Variants in DOCK7 observed in about 807,000 individuals in gnomAD.
DOCK7 encodes the protein dedicator of cytokinesis 7.
In DOCK7, 138 loss-of-function variants were observed where a neutral mutation model predicts 271.0. The ratio of observed to expected loss-of-function variants is 0.51; its 90% CI spans 0.44 to 0.59. The LOEUF (loss-of-function observed/expected upper bound fraction) is 0.59. Ranked by LOEUF, DOCK7 falls within the 20% of genes least tolerant of loss-of-function variation. The pLI is 0.00. For missense variants in DOCK7, 2,066 were observed against 2,592.4 expected, an observed-to-expected ratio of 0.80 and a Z score of 4.41; for synonymous variants, 823 against 876.1, an observed-to-expected ratio of 0.94 and a Z score of 1.07.
At chr1:62,537,397 C>T (rs1645379581) in intron 28 of DOCK7, among the ~76,000 whole-genome samples, 1 of 152,092 alleles carries the variant, frequency 6.6e-6, no homozygotes, top group Middle Eastern at 3.4e-3. Flanking sequence ...TCCTGGACAA[C>T]CAACATGGTG....
At chr1:62,542,561 T>C (rs1557690751) in intron 25 of DOCK7, 47 bp downstream of exon 25, 2 of 1,549,234 alleles carry the variant, frequency 1.3e-6, no homozygotes, top group Non-Finnish European at 1.8e-6. Context: ...CATAAAATTG[T>C]TCACTAAGAG....
intron 18 of DOCK7, among the ~76,000 whole-genome samples, chr1:62,572,955 G>A (rs943673434): frequency 2.0e-5 from 3 of 152,146 alleles, no homozygotes; most frequent in South Asian, 4.2e-4. Context: ...CTTCATAATC[G>A]CACACCTCTT....
At chr1:62,523,274 G>C (rs1644905222) in intron 31 of DOCK7, among the ~76,000 whole-genome samples, 1 of 152,070 alleles carries the variant, frequency 6.6e-6, no homozygotes, top group South Asian at 2.1e-4. Flanking sequence ...CTACATGGTA[G>C]ACCATATACA....
chr1:62,478,017 A>G, intron 43 of DOCK7, 192 bp from the exon 44 acceptor site: 2 of 610,612 alleles, frequency 3.3e-6, no homozygotes, highest in South Asian at 7.0e-5. Flanking sequence ...TCTAACAAAT[A>G]AGTATGCAAA....
chr1:62,558,495 C>T (rs1245031968), intron 20 of DOCK7, among the ~76,000 whole-genome samples: 8 of 151,996 alleles, frequency 5.3e-5, no homozygotes, highest in Non-Finnish European at 8.8e-5. Flanking sequence ...ATGAAGAACA[C>T]CTTTCCTTCC....
At chr1:62,676,718 T>C (rs939312449) in intron 1 of DOCK7, among the ~76,000 whole-genome samples, 6 of 152,208 alleles carry the variant, frequency 3.9e-5, no homozygotes, top group Non-Finnish European at 8.8e-5. Flanking sequence ...TTAGCAATTA[T>C]GAAAATTATT....
At chr1:62,532,532 A>G (rs1033015830) in intron 29 of DOCK7, among the ~76,000 whole-genome samples, 3 of 152,080 alleles carry the variant, frequency 2.0e-5, no homozygotes, top group African/African-American at 7.2e-5. Flanking sequence ...ACAGGGTCTC[A>G]CTATGTTGCC....
chr1:62,668,505 A>T (rs573665173), intron 1 of DOCK7, among the ~76,000 whole-genome samples: 7 of 152,322 alleles, frequency 4.6e-5, no homozygotes, highest in South Asian at 2.1e-4. Context: ...GGGTTTTTTT[A>T]AAATGTTTTT....
At chr1:62,676,468 A>G (rs1660559372) in intron 1 of DOCK7, among the ~76,000 whole-genome samples, 1 of 152,246 alleles carries the variant, frequency 6.6e-6, no homozygotes, top group African/African-American at 2.4e-5. Flanking sequence ...ACAGCTGTTA[A>G]TTTACTAAAA....
At chr1:62,568,605 T>TAAA (rs549578355) in intron 18 of DOCK7, among the ~76,000 whole-genome samples, 4 of 46,262 alleles carry the variant, frequency 8.6e-5, no homozygotes, top group African/African-American at 1.7e-4. Flanking sequence ...GTGCCCTGCC[T>TAAA]AAAAAAAAAA....
intron 7 of DOCK7, among the ~76,000 whole-genome samples, chr1:62,637,790 G>C (rs1179097875): frequency 2.0e-5 from 3 of 152,128 alleles, no homozygotes; most frequent in Non-Finnish European, 4.4e-5. Flanking sequence ...AGACCTAAAA[G>C]AGAACATGGA....
intron 21 of DOCK7, among the ~76,000 whole-genome samples, chr1:62,554,704 C>T (rs1646080685): frequency 6.6e-6 from 1 of 152,064 alleles, no homozygotes; most frequent in Admixed American, 6.6e-5. Context: ...AAAAAAGATG[C>T]TTTGCAAAAT....
Position 62,587,299 on chromosome 1 carries a change from TAA to T in DOCK7, c.1683-677_1683-676del. 8.6e-4 allele frequency among the ~76,000 whole-genome samples: 36 copies of T among 41,856 alleles called. No individual in the cohort carries two copies. The East Asian group carries it at 0.014, about 16-fold the overall frequency. The allele number at this position is 41,856 out of a possible 152,430, so 27.5% of individuals were successfully genotyped here. On this transcript the variant is annotated intron_variant, in intron 14 of 49. Transcript: ENST00000635253. ...AATTCAAGAAAAGACACCAAATAGC[TAA>T]AAAAAAAAAAAAAAAAAAAAAAGAA...
In DOCK7 at chr1:62,457,806, A is replaced by G. The variant is rs139261006; in HGVS notation, c.6213-101T>C. On this transcript the variant is annotated intron_variant, in intron 48 of 49. Coordinates refer to ENST00000635253, the MANE Select transcript of DOCK7 (RefSeq NM_001367561.1). The stretch of plus-strand genomic sequence containing the variant: ...ACATATACATATATATGTGGGCTTA[A>G]TGACACACAACACAGACTATATATG... 3.0e-4 allele frequency: 332 copies of G among 1,103,574 alleles called. No individual in the cohort carries two copies. The African/African-American group carries it at 4.3e-3, about 14-fold the overall frequency. The allele number at this position is 1,103,574 out of a possible 1,614,324, so 68.4% of individuals were successfully genotyped here. A position where few individuals can be genotyped will look rare whatever the true frequency, so the allele number is the denominator to read the frequency against.
At chr1:62,601,435 T>C (rs1650102547) in intron 14 of DOCK7, among the ~76,000 whole-genome samples, 1 of 151,710 alleles carries the variant, frequency 6.6e-6, no homozygotes, top group Non-Finnish European at 1.5e-5. Context: ...TTCTTAGATG[T>C]GATCATGGTA....
intron 31 of DOCK7, among the ~76,000 whole-genome samples, chr1:62,526,074 C>G (rs1306658154): frequency 6.6e-6 from 1 of 152,052 alleles, no homozygotes; most frequent in African/African-American, 2.4e-5. Context: ...GTAGCTGGGA[C>G]TACAGTAGGC....
intron 22 of DOCK7, among the ~76,000 whole-genome samples, chr1:62,547,858 T>G (rs1645761624): frequency 6.6e-6 from 1 of 152,194 alleles, no homozygotes; most frequent in Non-Finnish European, 1.5e-5. Flanking sequence ...TATTCTTAAA[T>G]TTTAGGAGTT....
intron 14 of DOCK7, among the ~76,000 whole-genome samples, chr1:62,589,400 A>T (rs1226939914): frequency 6.6e-6 from 1 of 152,100 alleles, no homozygotes; most frequent in Non-Finnish European, 1.5e-5. Context: ...AAAACAATGC[A>T]AGCTGGTTTT....
chr1:62,603,864 G>C lies in DOCK7; in HGVS notation c.1682+14842C>G, dbSNP rs917126065. 6 of 1,090,340 alleles carry C rather than the reference G, an allele frequency of 5.5e-6. No homozygotes were observed. In the South Asian group the frequency reaches 8.1e-5, roughly 15 times the overall value. 67.5% of individuals were successfully genotyped at this position (1,090,340 alleles called of 1,614,324 possible). ...ACACTAAAATGATCAAGGGATTCAA[G>C]ACTAAACAACTCAATTAGTTGCACC... On this transcript the variant is annotated intron_variant, in intron 14 of 49. Coordinates refer to ENST00000635253, the MANE Select transcript of DOCK7 (RefSeq NM_001367561.1).
Sources: gnomAD v4.1 joint callset for allele counts (sites outside exome capture counted in the v4.1 genomes callset) on GRCh38, gnomAD v4.1.1 for gene constraint, MANE v1.5 for transcripts, NCBI Gene and HGNC (gene_info 2026-07-23, HGNC 2026-07-21) for gene names.